The following ALLC variants were observed in gnomAD, a reference collection of about 807,000 sequenced individuals.
The protein encoded by ALLC is allantoicase.
In ALLC, 40 loss-of-function variants were observed where a neutral mutation model predicts 45.0. The ratio of observed to expected loss-of-function variants is 0.89; its 90% confidence interval spans 0.69 to 1.16. The LOEUF (loss-of-function observed/expected upper bound fraction) is 1.16, where lower values mean the gene tolerates loss of function less well. ALLC is among the 50% of genes most tolerant of loss of function. The pLI is 0.00. For synonymous variants in ALLC, 176 were observed against 178.1 expected (o/e 0.99, Z 0.09); for missense variants, 488 against 493.1 (o/e 0.99, Z 0.10).
At chr2:3,694,549 C>G (rs1303602302) in intron 7 of ALLC, 1 of 152,206 alleles carries the variant, frequency 6.6e-6, no homozygotes, top group Non-Finnish European at 1.5e-5. Flanking sequence ...GTGAAATCGA[C>G]TTCACTTTCA....
At chr2:3,670,465 C>T (rs977057159) in intron 1 of ALLC, among the ~76,000 whole-genome samples, 3 of 152,332 alleles carry the variant, frequency 2.0e-5, no homozygotes, top group Admixed American at 6.5e-5. Context: ...CTCCAAGTCT[C>T]TGCTTTCTCA....
chr2:3,697,609 C>CTCTGTCTCTGTCTG (rs2148022303), intron 10 of ALLC, among the ~76,000 whole-genome samples, 153 bp downstream of exon 10: 1 of 147,032 alleles, frequency 6.8e-6, no homozygotes, highest in African/African-American at 2.6e-5. Context: ...ACCCTTAGAA[C>CTCTGTCTCTGTCTG]TCTGTCTGTC....
chr2:3,661,957 T>G (rs1035277739), intron 1 of ALLC, among the ~76,000 whole-genome samples: 7 of 152,186 alleles, frequency 4.6e-5, no homozygotes, highest in African/African-American at 1.7e-4. Context: ...CTTGTTGGGG[T>G]TGTGGGCAGA....
intron 3 of ALLC, 56 bp downstream of exon 3, chr2:3,674,181 G>A (rs531919603): frequency 2.1e-5 from 27 of 1,283,772 alleles, no homozygotes; most frequent in African/African-American, 9.1e-5. Context: ...AATCTATGCC[G>A]CCTTGTTATT....
At position 3,679,898 on chromosome 2, in the gene ALLC, A is replaced by G. The variant is rs774325359; in HGVS notation, c.202A>G (p.Ile68Val). The G allele has an allele frequency of 1.2e-6, 2 of 1,613,694 alleles. No individual in the cohort carries two copies. Among genetic ancestry groups the G allele is most frequent in the Non-Finnish European group, 1.7e-6 (2 of 1,179,866 alleles). ...CGACTGGTGTGTCCTCAGGCTGGGG[A>G]TCCAAGGAGTCATCCGGGGCTTCGA... ...GHDWCVLRLG[I>V]QGVIRGFDVD... The change falls in exon 5 of 12, where the codon ATC (isoleucine) becomes GTC (valine). Residue 68 changes from isoleucine (I) to valine (V), a missense_variant. Transcript: ENST00000252505.
chr2:3,679,018 C>T (rs2043081), intron 4 of ALLC, among the ~76,000 whole-genome samples: 6 of 152,230 alleles, frequency 3.9e-5, no homozygotes, highest in Non-Finnish European at 7.4e-5. Context: ...ACACTGTACC[C>T]GCTGTCTTTT....
At chr2:3,664,807 C>T (rs12996209) in intron 1 of ALLC, among the ~76,000 whole-genome samples, 24,333 of 151,492 alleles carry the variant, frequency 0.16, 2,082 homozygotes, top group Middle Eastern at 0.19. Context: ...TCACTTGAGC[C>T]CAAGAGTTTG....
intron 1 of ALLC, among the ~76,000 whole-genome samples, chr2:3,662,286 A>G (rs1001563978): frequency 1.8e-4 from 27 of 152,280 alleles, no homozygotes; most frequent in African/African-American, 6.5e-4. Flanking sequence ...CTTTGCATAT[A>G]TGGTGAGAAA....
rs1474662495 is a variant in ALLC at position 3,681,620 on chromosome 2, C to T, written c.299-14C>T. On this transcript the variant is annotated splice_polypyrimidine_tract_variant and intron_variant, in intron 5 of 11. Transcript: ENST00000252505. ...AACCCTAATCTTAATCCTGAATGGT[C>T]ATTCCAACTACAGATAAACTACCAG... 2.5e-6 allele frequency: 4 copies of T among 1,593,512 alleles called. No individual in the cohort carries two copies. Among genetic ancestry groups the T allele is most frequent in the African/African-American group, 2.7e-5 (2 of 74,342 alleles).
upstream of ALLC, among the ~76,000 whole-genome samples, chr2:3,653,698 G>T (rs1289289330): frequency 6.6e-6 from 1 of 152,042 alleles, no homozygotes; most frequent in African/African-American, 2.4e-5. This position sits in a 1 kb window ranked among gnomAD's most constrained non-coding sequence, Gnocchi z 4.1. Flanking sequence ...CATCCTTGAT[G>T]ACCTCAAGCT....
chr2:3,685,451 G>C (rs2148011033), intron 7 of ALLC, among the ~76,000 whole-genome samples: 1 of 150,930 alleles, frequency 6.6e-6, no homozygotes, highest in South Asian at 2.1e-4. Context: ...GAGAGACAGA[G>C]AGAGAGAGAG....
intron 2 of ALLC, among the ~76,000 whole-genome samples, chr2:3,672,643 G>A (rs182744901): frequency 1.0e-5 from 1 of 97,548 alleles, no homozygotes; most frequent in Non-Finnish European, 2.2e-5. Context: ...CTGGTTAGAT[G>A]GGAGGTCCTC....
rs1254325030 is a variant in ALLC at position 3,681,615 on chromosome 2, A to G, written c.299-19A>G. ...TTTTGAACCCTAATCTTAATCCTGA[A>G]TGGTCATTCCAACTACAGATAAACT... On this transcript the variant is annotated intron_variant, in intron 5 of 11. Coordinates refer to ENST00000252505, the MANE Select transcript of ALLC (RefSeq NM_018436.4). 2.5e-6 allele frequency: 4 copies of G among 1,583,450 alleles called. No individual in the cohort carries two copies. Among genetic ancestry groups the G allele is most frequent in the Non-Finnish European group, 3.5e-6 (4 of 1,157,882 alleles).
At chr2:3,671,930 T>G (rs1346205129) in intron 2 of ALLC, among the ~76,000 whole-genome samples, 2 of 128,212 alleles carry the variant, frequency 1.6e-5, no homozygotes, top group Non-Finnish European at 3.3e-5. Context: ...GTCCTCTGGC[T>G]CTATTTAGAT....
At chr2:3,647,623 T>TCACTCACC in the ALLC span, among the ~76,000 whole-genome samples, 2 of 151,418 alleles carry the variant, frequency 1.3e-5, no homozygotes, top group East Asian at 3.9e-4. Flanking sequence ...CCCCTGGGGG[T>TCACTCACC]CGCTCACCCG....
chr2:3,674,572 G>T (rs545069556), intron 3 of ALLC, among the ~76,000 whole-genome samples: 2 of 152,344 alleles, frequency 1.3e-5, no homozygotes, highest in Admixed American at 6.5e-5. Flanking sequence ...CATACCCAGT[G>T]TGGAGATGCG....
intron 7 of ALLC, among the ~76,000 whole-genome samples, chr2:3,693,209 C>G (rs944568236): frequency 6.6e-6 from 1 of 152,164 alleles, no homozygotes; most frequent in African/African-American, 2.4e-5. Context: ...CATCCCTCAA[C>G]CCCCCTAAAT....
In ALLC at chr2:3,689,637, C is replaced by A. The variant is rs116283335; in HGVS notation, c.512-6080C>A. 5.9e-3 allele frequency among the ~76,000 whole-genome samples: 891 copies of A among 150,814 alleles called. 16 individuals are homozygous for A. Among genetic ancestry groups the A allele is most frequent in the African/African-American group, 0.021 (869 of 41,348 alleles). Reference sequence around the variant, plus strand: ...TTTATGGCCCAAGACATGGCCTATTCTAGAGAATGTTCCATGTGCTGATGA... The same window carrying A: ...TTTATGGCCCAAGACATGGCCTATTATAGAGAATGTTCCATGTGCTGATGA... On this transcript the variant is annotated intron_variant, in intron 7 of 11. Transcript: ENST00000252505.
the ALLC span, among the ~76,000 whole-genome samples, chr2:3,651,306 G>A: frequency 1.9e-4 from 1 of 5,176 alleles, no homozygotes; most frequent in Non-Finnish European, 3.6e-4. Context: ...TTGGGTGGGT[G>A]GGTGGGTGGG....
Sources: gnomAD v4.1 joint callset for allele counts (sites outside exome capture counted in the v4.1 genomes callset) on GRCh38, gnomAD v4.1.1 for gene constraint, Gnocchi (gnomAD v3.1) non-coding constraint, MANE v1.5 for transcripts, NCBI Gene and HGNC (gene_info 2026-07-23, HGNC 2026-07-21) for gene names.